The following NEK11 variants were observed in gnomAD, a reference collection of about 807,000 sequenced individuals.
NEK11 encodes NIMA related kinase 11.
Under a neutral mutation model 80.7 loss-of-function variants are expected in NEK11, and 72 were observed. The observed-to-expected ratio is 0.89, with a 90% CI of 0.74 to 1.08. The LOEUF (loss-of-function observed/expected upper bound fraction) is 1.08, where lower values mean the gene tolerates loss of function less well. Ranked by LOEUF, NEK11 falls within the 50% of genes least tolerant of loss-of-function variation. The pLI is 0.00. For synonymous variants in NEK11, 251 were observed against 260.7 expected, an observed-to-expected ratio of 0.96 and a Z score of 0.36; for missense variants, 764 against 763.6, an observed-to-expected ratio of 1.00 and a Z score of -0.01.
intron 16 of NEK11, among the ~76,000 whole-genome samples, chr3:131,271,402 A>G (rs2096182067): frequency 6.6e-6 from 1 of 152,248 alleles, no homozygotes; most frequent in Non-Finnish European, 1.5e-5. Context: ...AATTATATCT[A>G]TAGGAGCAAG....
intron 3 of NEK11, among the ~76,000 whole-genome samples, chr3:131,076,498 C>T (rs2074378178): frequency 6.6e-6 from 1 of 152,134 alleles, no homozygotes; most frequent in South Asian, 2.1e-4. Context: ...TTCCTGCCTT[C>T]CTAGAGGGAT....
intron 4 of NEK11, chr3:131,092,868 G>A (rs1407740670): frequency 1.3e-5 from 2 of 152,136 alleles, no homozygotes; most frequent in African/African-American, 2.4e-5. Flanking sequence ...TTGCACAGAG[G>A]CCATTCTAAC....
chr3:131,335,972 T>A (rs2097176212), intron 17 of NEK11, among the ~76,000 whole-genome samples: 1 of 152,070 alleles, frequency 6.6e-6, no homozygotes, highest in Non-Finnish European at 1.5e-5. Context: ...TAAAAGAGGA[T>A]ACAAAGAAAT....
intron 14 of NEK11, among the ~76,000 whole-genome samples, chr3:131,181,894 A>C (rs910323457): frequency 6.6e-6 from 1 of 151,860 alleles, no homozygotes; most frequent in African/African-American, 2.4e-5. Context: ...TCTTTGATTC[A>C]TATGCTAGTT....
At chr3:131,254,440 C>G (rs865851563) in intron 16 of NEK11, among the ~76,000 whole-genome samples, 3 of 152,112 alleles carry the variant, frequency 2.0e-5, no homozygotes, top group Non-Finnish European at 4.4e-5. Flanking sequence ...GATTCAGAAG[C>G]CCTGATGATT....
intron 14 of NEK11, among the ~76,000 whole-genome samples, chr3:131,217,038 T>G (rs531424650): frequency 6.6e-6 from 1 of 152,198 alleles, no homozygotes; most frequent in South Asian, 2.1e-4. Flanking sequence ...TCTCTATGAC[T>G]TCTGAGCTCC....
chr3:131,181,571 C>A (rs1244422179), intron 14 of NEK11, among the ~76,000 whole-genome samples: 1 of 151,744 alleles, frequency 6.6e-6, no homozygotes, highest in East Asian at 1.9e-4. Flanking sequence ...ACGATGAAAC[C>A]CCATCTCTAC....
intron 3 of NEK11, among the ~76,000 whole-genome samples, chr3:131,034,630 A>G (rs751224803): frequency 3.3e-5 from 5 of 152,144 alleles, no homozygotes; most frequent in Non-Finnish European, 7.4e-5. Context: ...CTTGTGATCC[A>G]CTTGCCTGGG....
intron 14 of NEK11, among the ~76,000 whole-genome samples, chr3:131,205,759 T>C (rs564221222): frequency 2.3e-4 from 35 of 152,332 alleles, no homozygotes; most frequent in African/African-American, 7.7e-4. Flanking sequence ...CTCTACTTGA[T>C]ACTGCCTTTC....
intron 14 of NEK11, among the ~76,000 whole-genome samples, chr3:131,204,265 A>G (rs1291626367): frequency 6.6e-6 from 1 of 152,134 alleles, no homozygotes; most frequent in Non-Finnish European, 1.5e-5. Flanking sequence ...TACCCTATGC[A>G]TTTCTTTATC....
At position 131,320,520 on chromosome 3, in the gene NEK11, GGAGA is replaced by G. The variant is rs144796371; in HGVS notation, c.1719-29020_1719-29017del. On this transcript the variant is annotated intron_variant, in intron 17 of 17. Coordinates refer to ENST00000383366, the MANE Select transcript of NEK11 (RefSeq NM_024800.5). ...GTCCTCCAGAGATGGGGAAGAGGAG[GGAGA>G]GAGAGAGAGAGAGAGAAGGAAAGAC... Among the ~76,000 whole-genome samples the G allele has an allele frequency of 4.7e-5, 7 of 150,038 alleles. No homozygotes were observed. In the East Asian group the frequency reaches 7.9e-4, roughly 17 times the overall value.
In NEK11 at chr3:131,349,596, G is replaced by A. The variant is rs1027883784; in HGVS notation, c.1758G>A (p.Glu586=). The A allele has an allele frequency of 6.2e-7, 1 of 1,614,002 alleles. No homozygotes were observed. Among genetic ancestry groups the A allele is most frequent in the Non-Finnish European group, 8.5e-7 (1 of 1,180,032 alleles). ...AGCTGGGGACAGAAGTATTTGAAGAGGTCTATAATTACCTCAAGAGAGCAA... is the reference window on the plus strand; with the variant it reads ...AGCTGGGGACAGAAGTATTTGAAGAAGTCTATAATTACCTCAAGAGAGCAA... ...MQKLGTEVFE[E]VYNYLKRARH... The change falls in exon 18 of 18, where the codon GAG becomes GAA. Residue 586 remains glutamate (E), a synonymous_variant. Coordinates refer to ENST00000383366, the MANE Select transcript of NEK11 (RefSeq NM_024800.5).
intron 17 of NEK11, among the ~76,000 whole-genome samples, chr3:131,284,695 G>A (rs999944442): frequency 6.6e-5 from 10 of 152,204 alleles, no homozygotes; most frequent in African/African-American, 2.2e-4. Context: ...GCAGAAGAAC[G>A]TGGAAGGACT....
chr3:131,216,391 A>G (rs1367918696), intron 14 of NEK11, among the ~76,000 whole-genome samples: 2 of 152,226 alleles, frequency 1.3e-5, no homozygotes, highest in Non-Finnish European at 2.9e-5. Context: ...ACTCAATTTT[A>G]TTGGCAGCGA....
intron 3 of NEK11, among the ~76,000 whole-genome samples, chr3:131,064,473 G>C (rs1418363656): frequency 6.6e-6 from 1 of 152,066 alleles, no homozygotes; most frequent in Non-Finnish European, 1.5e-5. Context: ...TATAGGATTA[G>C]GGCCCACTCT....
At chr3:131,243,663 A>G (rs1194513950) in intron 16 of NEK11, among the ~76,000 whole-genome samples, 167 bp downstream of exon 16, 2 of 152,146 alleles carry the variant, frequency 1.3e-5, no homozygotes, top group Admixed American at 6.6e-5. Flanking sequence ...GGAAACTCAA[A>G]GAAAAATTGC....
intron 14 of NEK11, among the ~76,000 whole-genome samples, chr3:131,213,998 C>T (rs759986160): frequency 5.9e-5 from 9 of 152,144 alleles, no homozygotes; most frequent in African/African-American, 9.7e-5. Flanking sequence ...TTCCATGCTC[C>T]TCCACCATAT....
chr3:131,139,639 G>A (rs1165428348), intron 7 of NEK11, among the ~76,000 whole-genome samples: 3 of 152,172 alleles, frequency 2.0e-5, no homozygotes, highest in Non-Finnish European at 4.4e-5. Context: ...GGAGAAGGGA[G>A]GGTTAGTTCA....
chr3:131,295,636 A>G (rs2096585823), intron 17 of NEK11, among the ~76,000 whole-genome samples: 3 of 152,122 alleles, frequency 2.0e-5, no homozygotes, highest in Admixed American at 2.0e-4. Context: ...TATCTGCCCC[A>G]TTTCATTTAA....
Sources: allele counts gnomAD v4.1 joint callset (sites outside exome capture counted in the v4.1 genomes callset), GRCh38; gene constraint gnomAD v4.1.1; transcripts MANE v1.5; gene names NCBI Gene and HGNC (gene_info 2026-07-23, HGNC 2026-07-21).